RSF1: variants seen among roughly 807,000 people sequenced by gnomAD.
RSF1 encodes HBV pX-associated protein 8.
In RSF1, 13 loss-of-function variants were observed where a neutral mutation model predicts 145.2. The ratio of observed to expected loss-of-function variants is 0.09; its 90% CI spans 0.06 to 0.14. RSF1 has a LOEUF of 0.14. RSF1 is among the 10% of genes least tolerant of loss of function. The pLI, the probability that RSF1 is intolerant of heterozygous loss-of-function variation, is 1.00. For synonymous variants in RSF1, 577 were observed against 592.6 expected (o/e 0.97, Z 0.38); for missense variants, 1,517 against 1,718.2 (o/e 0.88, Z 2.07).
chr11:77,853,601 T>G, the RSF1 span, among the ~76,000 whole-genome samples: 1 of 152,076 alleles, frequency 6.6e-6, no homozygotes, highest in Non-Finnish European at 1.5e-5. Flanking sequence ...TCAAACCATA[T>G]CATTCTGCAT....
intron 1 of RSF1, among the ~76,000 whole-genome samples, chr11:77,797,374 T>C (rs1267866159): frequency 2.0e-5 from 3 of 152,154 alleles, no homozygotes; most frequent in Admixed American, 6.5e-5. Flanking sequence ...TACAACCATA[T>C]GATTTTTGAC....
At chr11:77,808,775 C>T (rs1052769715) in intron 1 of RSF1, among the ~76,000 whole-genome samples, 6 of 148,892 alleles carry the variant, frequency 4.0e-5, no homozygotes, top group South Asian at 2.1e-4. Context: ...CCTCGTGATC[C>T]GCCCACCTCG....
chr11:77,769,788 G>A lies in RSF1; in HGVS notation c.188-5099C>T, dbSNP rs112326808. On this transcript the variant is annotated intron_variant, in intron 1 of 15. Coordinates refer to ENST00000308488, the MANE Select transcript of RSF1 (RefSeq NM_016578.4). Reference sequence around the variant, plus strand: ...GTAGAAATGTACAGCACCTCATAACGGCTAAACACATTAATTCTTATTCTT... The same window carrying A: ...GTAGAAATGTACAGCACCTCATAACAGCTAAACACATTAATTCTTATTCTT... Among the ~76,000 whole-genome samples, 430 of 152,172 alleles carry A rather than the reference G, an allele frequency of 2.8e-3. 1 individual carries two copies. Among genetic ancestry groups the A allele is most frequent in the Non-Finnish European group, 2.9e-3 (195 of 68,004 alleles).
intron 9 of RSF1, among the ~76,000 whole-genome samples, chr11:77,689,990 C>T (rs886262736): frequency 9.2e-5 from 14 of 151,914 alleles, no homozygotes; most frequent in African/African-American, 3.4e-4. Context: ...GGTGAAATCC[C>T]TTCTCTACTA....
At chr11:77,790,482 T>C (rs567818078) in intron 1 of RSF1, among the ~76,000 whole-genome samples, 95 of 152,260 alleles carry the variant, frequency 6.2e-4, no homozygotes, top group African/African-American at 2.1e-3. Flanking sequence ...TCTCATGTCC[T>C]CACATTTCAA....
intron 4 of RSF1, among the ~76,000 whole-genome samples, chr11:77,736,455 AT>A (rs1961355249): frequency 6.6e-6 from 1 of 152,240 alleles, no homozygotes; most frequent in Non-Finnish European, 1.5e-5. Flanking sequence ...GTATGATCTC[AT>A]CCAAGTCAAA....
chr11:77,736,916 T>C lies in RSF1; in HGVS notation c.578+3815A>G, dbSNP rs547132945. 3.3e-5 allele frequency among the ~76,000 whole-genome samples: 5 copies of C among 152,326 alleles called. No individual in the cohort carries two copies. The South Asian group carries it at 1.0e-3, about 32-fold the overall frequency. On this transcript the variant is annotated intron_variant, in intron 4 of 15. Transcript: ENST00000308488. Reference sequence around the variant, plus strand: ...GGATGTATGTAATAGAATTTATAAATTTAATGAAATAAAGGAATGTTAGTA... The same window carrying C: ...GGATGTATGTAATAGAATTTATAAACTTAATGAAATAAAGGAATGTTAGTA...
At chr11:77,751,578 G>GCCT (rs542573877) in intron 2 of RSF1, among the ~76,000 whole-genome samples, 121 of 152,310 alleles carry the variant, frequency 7.9e-4, no homozygotes, top group Middle Eastern at 6.8e-3. Context: ...AACAGACAGG[G>GCCT]CCTCGGTCTA....
intron 4 of RSF1, among the ~76,000 whole-genome samples, chr11:77,735,830 A>G (rs1359247519): frequency 6.6e-6 from 1 of 152,072 alleles, no homozygotes; most frequent in Non-Finnish European, 1.5e-5. Flanking sequence ...ACCTCTGCCT[A>G]CTGGGTTCAA....
At chr11:77,730,276 T>C (rs531993637) in intron 4 of RSF1, among the ~76,000 whole-genome samples, 58 of 152,338 alleles carry the variant, frequency 3.8e-4, no homozygotes, top group African/African-American at 1.3e-3. Context: ...TAGAAATGCA[T>C]TCATACAGTT....
chr11:77,849,930 C>A, the RSF1 span, among the ~76,000 whole-genome samples: 1 of 152,154 alleles, frequency 6.6e-6, no homozygotes, highest in Non-Finnish European at 1.5e-5. Flanking sequence ...CTCTGTGCCT[C>A]TATTATAGCA....
the RSF1 span, chr11:77,831,910 A>G: frequency 8.0e-6 from 1 of 125,718 alleles, no homozygotes; most frequent in African/African-American, 3.2e-5. Flanking sequence ...AGGTTTCACC[A>G]TGTTGGCCAG....
chr11:77,786,706 G>A (rs1379705593), intron 1 of RSF1, among the ~76,000 whole-genome samples: 2 of 152,038 alleles, frequency 1.3e-5, no homozygotes, highest in African/African-American at 4.8e-5. Context: ...TCACCCTCCT[G>A]CCCAAATCTC....
the RSF1 span, among the ~76,000 whole-genome samples, chr11:77,850,436 A>G: frequency 1.3e-5 from 2 of 152,122 alleles, no homozygotes; most frequent in African/African-American, 2.4e-5. Flanking sequence ...GCTCATTTCT[A>G]TCCTAAGGCA....
intron 4 of RSF1, among the ~76,000 whole-genome samples, chr11:77,729,975 G>C (rs1028369191): frequency 2.1e-5 from 3 of 141,660 alleles, no homozygotes; most frequent in African/African-American, 7.9e-5. Context: ...ATCAATAGCA[G>C]TACTATTAAT....
At chr11:77,673,506 T>C (rs1478227054) in intron 14 of RSF1, among the ~76,000 whole-genome samples, 1 of 152,216 alleles carries the variant, frequency 6.6e-6, no homozygotes, top group East Asian at 1.9e-4. Context: ...TAAATAGTGA[T>C]GGGAATGTAG....
At chr11:77,823,260 A>G (rs940978023), upstream of RSF1, among the ~76,000 whole-genome samples, 3 of 151,868 alleles carry the variant, frequency 2.0e-5, no homozygotes, top group African/African-American at 7.3e-5. Flanking sequence ...CTTCAGGAAA[A>G]TATCTTTATG....
At position 77,774,612 on chromosome 11, in the gene RSF1, AT is replaced by A. The variant is rs1375429006; in HGVS notation, c.188-9924del. ...AATAAATAAATAAATAAATAAATAAATAAATAAAATAAAGAAAAGAGAGTTC... is the reference window on the plus strand; with the variant it reads ...AATAAATAAATAAATAAATAAATAAAAAATAAAATAAAGAAAAGAGAGTTC... On this transcript the variant is annotated intron_variant, in intron 1 of 15. Coordinates refer to ENST00000308488, the MANE Select transcript of RSF1 (RefSeq NM_016578.4). Among the ~76,000 whole-genome samples, 690 of 149,156 alleles carry A rather than the reference AT, an allele frequency of 4.6e-3. 3 individuals are homozygous for A. The highest frequency in any genetic ancestry group is 7.4e-3 in the Non-Finnish European group (501 of 67,322).
chr11:77,669,085 T>C lies in RSF1; in HGVS notation c.3752-1594A>G, dbSNP rs529226088. 3.9e-5 allele frequency among the ~76,000 whole-genome samples: 6 copies of C among 152,286 alleles called. No individual in the cohort carries two copies. The South Asian group carries it at 1.2e-3, about 32-fold the overall frequency. On this transcript the variant is annotated intron_variant, in intron 15 of 15. Coordinates refer to ENST00000308488, the MANE Select transcript of RSF1 (RefSeq NM_016578.4). The stretch of plus-strand genomic sequence containing the variant: ...GCCCTGTGGTCTCTACCAACTTAAG[T>C]TTTTGGCAATTGCTCCTCCAATTGC...
Sources: allele counts gnomAD v4.1 joint callset (sites outside exome capture counted in the v4.1 genomes callset), GRCh38; gene constraint gnomAD v4.1.1; transcripts MANE v1.5; gene names NCBI Gene and HGNC (gene_info 2026-07-23, HGNC 2026-07-21).